EFNA3: variants seen among roughly 807,000 people sequenced by gnomAD.
EFNA3 encodes the protein ephrin-A3.
In EFNA3, 15 loss-of-function variants were observed where a neutral mutation model predicts 25.0. That is an observed-to-expected ratio of 0.60 (90% CI 0.40 to 0.92). The LOEUF (loss-of-function observed/expected upper bound fraction) is 0.92, where lower values mean the gene tolerates loss of function less well. Among genes scored for constraint, EFNA3 ranks in the 40% least tolerant of loss-of-function variants. The probability of loss-of-function intolerance (pLI) is 0.00; values close to 1 mark genes in which losing one functional copy is unlikely to be tolerated. For missense variants in EFNA3, 298 were observed against 323.8 expected (o/e 0.92, Z 0.61); for synonymous variants, 153 against 145.6 (o/e 1.05, Z -0.37).
rs1370597990 is a variant in EFNA3, at chr1:155,080,701, C to T, written c.128+1632C>T. Among the ~76,000 whole-genome samples, 1 of 152,170 alleles carries T rather than the reference C, an allele frequency of 6.6e-6. No homozygotes were observed. On this transcript the variant is annotated intron_variant, in intron 1 of 4. Coordinates refer to ENST00000368408, the MANE Select transcript of EFNA3 (RefSeq NM_004952.5). This position sits in a 1 kb window ranked among gnomAD's most constrained non-coding sequence, Gnocchi z 7.0. ...GGGGAGGTGTTGATCAGGTTCCCCT[C>T]CCCCGCATACACCTGGGCGCAGGTG...
At chr1:155,083,647 A>G (rs1571663306) in intron 1 of EFNA3, among the ~76,000 whole-genome samples, 1 of 152,294 alleles carries the variant, frequency 6.6e-6, no homozygotes, top group East Asian at 1.9e-4. Context: ...GCACAAGCAA[A>G]GCCAAGGAAG....
At chr1:155,084,258 C>T (rs993226252) in intron 1 of EFNA3, among the ~76,000 whole-genome samples, 35 of 152,190 alleles carry the variant, frequency 2.3e-4, no homozygotes, top group African/African-American at 6.0e-4. Flanking sequence ...CCCTTAGCGC[C>T]CTCATGTGTT....
rs987735499 is a variant in EFNA3 at position 155,083,774 on chromosome 1, A to C, written c.129-1317A>C. ...CTGGGTGGTGCCTGGTGACATAGGGAGCCAGTCTCTCCCCCCAGGGAGCTC... is the reference window on the plus strand; with the variant it reads ...CTGGGTGGTGCCTGGTGACATAGGGCGCCAGTCTCTCCCCCCAGGGAGCTC... On this transcript the variant is annotated intron_variant, in intron 1 of 4. Transcript: ENST00000368408. Among the ~76,000 whole-genome samples, 19 of 152,252 alleles carry C rather than the reference A, an allele frequency of 1.2e-4. 1 individual carries two copies. Among genetic ancestry groups the C allele is most frequent in the African/African-American group, 4.3e-4 (18 of 41,524 alleles).
rs1358102762 is a variant in EFNA3 at position 155,087,442 on chromosome 1, G to A, written c.*899G>A. 6.5e-6 allele frequency: 1 copy of A among 152,786 alleles called. No individual in the cohort carries two copies. Among genetic ancestry groups the A allele is most frequent in the East Asian group, 1.9e-4 (1 of 5,332 alleles). The allele number at this position is 152,786 out of a possible 1,614,324, so 9.5% of individuals were successfully genotyped here. On this transcript the variant is annotated 3_prime_UTR_variant, in exon 5 of 5. Transcript: ENST00000368408. ...GGACCTTGCCCTGCTCACCCTATGT[G>A]GTCCCACCTATCCTCCTGGGCCTTT... is the stretch of plus-strand genomic sequence containing the variant.
chr1:155,085,403 CTG>C lies in EFNA3; in HGVS notation c.442+2_442+3del, dbSNP rs925542212. ...ACGCCGGCCACGAGTACTACTACAT[CTG>C]TGAGTGACGGCGGCCGGGCGGGCGG... On this transcript the variant is annotated splice_donor_variant and coding_sequence_variant, in exon 2 of 5. Transcript: ENST00000368408. LOFTEE classifies it high-confidence loss of function. The surrounding 1 kb of genome is among the most constrained non-coding windows in gnomAD (Gnocchi z 4.4). The C allele has an allele frequency of 6.3e-7, 1 of 1,578,562 alleles. No homozygotes were observed.
chr1:155,079,862 G>T lies in EFNA3; in HGVS notation c.128+793G>T, dbSNP rs1663307287. Among the ~76,000 whole-genome samples the T allele has an allele frequency of 1.3e-5, 2 of 152,008 alleles. No homozygotes were observed. The highest frequency in any genetic ancestry group is 2.9e-5 in the Non-Finnish European group (2 of 67,980). ...GGGGTGGGAGCGGGCTGCGGGTCGG[G>T]GAAGGGGCTGCGGTCGCTGTCCGCG... is the stretch of plus-strand genomic sequence containing the variant. On this transcript the variant is annotated intron_variant, in intron 1 of 4. Coordinates refer to ENST00000368408, the MANE Select transcript of EFNA3 (RefSeq NM_004952.5). This position sits in a 1 kb window ranked among gnomAD's most constrained non-coding sequence, Gnocchi z 7.7.
chr1:155,080,369 G>T lies in EFNA3; in HGVS notation c.128+1300G>T, dbSNP rs1663319235. 6.6e-6 allele frequency among the ~76,000 whole-genome samples: 1 copy of T among 152,122 alleles called. No individual in the cohort carries two copies. The highest frequency in any genetic ancestry group is 1.5e-5 in the Non-Finnish European group (1 of 67,996). ...CTCCTCGCGCCCGGAGTGTCAGACT[G>T]GGGGTGGGGATGAGCCAACGACGCC... On this transcript the variant is annotated intron_variant, in intron 1 of 4. Transcript: ENST00000368408. The surrounding 1 kb of genome is among the most constrained non-coding windows in gnomAD (Gnocchi z 7.0).
rs116049590 is a variant in EFNA3 at position 155,084,395 on chromosome 1, C to A, written c.129-696C>A. On this transcript the variant is annotated intron_variant, in intron 1 of 4. Coordinates refer to ENST00000368408, the MANE Select transcript of EFNA3 (RefSeq NM_004952.5). ...GGGGAGACCCCCAGATTGGTGGGGTCAACCAATACTGGCATGCGGGCCAGC... is the reference window on the plus strand; with the variant it reads ...GGGGAGACCCCCAGATTGGTGGGGTAAACCAATACTGGCATGCGGGCCAGC... Among the ~76,000 whole-genome samples the A allele has an allele frequency of 6.0e-3, 910 of 152,310 alleles. 3 individuals are homozygous for A. Among genetic ancestry groups the A allele is most frequent in the African/African-American group, 0.02 (844 of 41,554 alleles).
chr1:155,079,051 G>A lies in EFNA3; in HGVS notation c.110G>A (p.Trp37Ter). 1 of 1,376,712 alleles carries A rather than the reference G, an allele frequency of 7.3e-7. No individual in the cohort carries two copies. The highest frequency in any genetic ancestry group is 1.7e-5 in the South Asian group (1 of 57,458). 85.3% of individuals were successfully genotyped at this position (1,376,712 alleles called of 1,614,324 possible). A position where few individuals can be genotyped will look rare whatever the true frequency, so the allele number is the denominator to read the frequency against. Residue 37 changes from tryptophan (W) to a stop codon, truncating the protein, a stop_gained, in exon 1 of 5, where the codon TGG (tryptophan) becomes TAG (stop). Coordinates refer to ENST00000368408, the MANE Select transcript of EFNA3 (RefSeq NM_004952.5). LOFTEE classifies it high-confidence loss of function. The surrounding 1 kb of genome is among the most constrained non-coding windows in gnomAD (Gnocchi z 7.7). ...GALGNRHAVYWNSSNQHLRRE... is the reference protein window; with the variant it reads ...GALGNRHAVY ...CTGGGAAACCGGCATGCGGTGTACT[G>A]GAACAGCTCCAACCAGCAGTGAGTC...
In EFNA3 at chr1:155,086,781, T is replaced by G. The variant is rs1663474255; in HGVS notation, c.*238T>G. On this transcript the variant is annotated 3_prime_UTR_variant, in exon 5 of 5. Coordinates refer to ENST00000368408, the MANE Select transcript of EFNA3 (RefSeq NM_004952.5). ...GGGCGGCCTTGTGGCTCTGGTAATG[T>G]TTGGTACCAAACTTGGGGGCCAAAA... 1 of 511,364 alleles carries G rather than the reference T, an allele frequency of 2.0e-6. No individual in the cohort carries two copies. The highest frequency in any genetic ancestry group is 2.5e-5 in the South Asian group (1 of 39,504). 31.7% of individuals were successfully genotyped at this position (511,364 alleles called of 1,614,324 possible). A position where few individuals can be genotyped will look rare whatever the true frequency, so the allele number is the denominator to read the frequency against.
In EFNA3 at chr1:155,085,231, T is replaced by A. The variant is rs1453505920; in HGVS notation, c.269T>A (p.Met90Lys). ...GGGGCAGAGCAGTACGTGCTGTACATGGTGAGCCGCAACGGCTACCGCACC... is the reference window on the plus strand; with the variant it reads ...GGGGCAGAGCAGTACGTGCTGTACAAGGTGAGCCGCAACGGCTACCGCACC... ...GGGAEQYVLY[M>K]VSRNGYRTCN... The change falls in exon 2 of 5, where the codon ATG becomes AAG. Residue 90 changes from methionine to lysine, a missense_variant. Transcript: ENST00000368408. The surrounding 1 kb of genome is among the most constrained non-coding windows in gnomAD (Gnocchi z 4.4). The A allele has an allele frequency of 1.2e-6, 2 of 1,612,752 alleles. No homozygotes were observed. Among genetic ancestry groups the A allele is most frequent in the Non-Finnish European group, 1.7e-6 (2 of 1,179,766 alleles).
In EFNA3 at chr1:155,085,758, G is replaced by C; in HGVS notation, c.443-119G>C. 2.5e-6 allele frequency: 3 copies of C among 1,196,170 alleles called. No homozygotes were observed. Among genetic ancestry groups the C allele is most frequent in the Non-Finnish European group, 3.6e-6 (3 of 835,330 alleles). 74.1% of individuals were successfully genotyped at this position (1,196,170 alleles called of 1,614,324 possible). A position where few individuals can be genotyped will look rare whatever the true frequency, so the allele number is the denominator to read the frequency against. ...AGTGACCCGTGTCCAAAGGGTAGGG[G>C]AGCTCCTGAAGGAGACCGCCCGACG... On this transcript the variant is annotated intron_variant, in intron 2 of 4. Coordinates refer to ENST00000368408, the MANE Select transcript of EFNA3 (RefSeq NM_004952.5). The surrounding 1 kb of genome is among the most constrained non-coding windows in gnomAD (Gnocchi z 4.4).
Position 155,080,255 on chromosome 1 carries a change from C to T in EFNA3, c.128+1186C>T, listed in dbSNP as rs967215078. ...AGGGGAGGGGACCGGGAGGGCCGGG[C>T]GGCCGCGACCCCCAACCTCTCGGAG... is the stretch of plus-strand genomic sequence containing the variant. On this transcript the variant is annotated intron_variant, in intron 1 of 4. Transcript: ENST00000368408. The surrounding 1 kb of genome is among the most constrained non-coding windows in gnomAD (Gnocchi z 7.0). 3.3e-5 allele frequency among the ~76,000 whole-genome samples: 5 copies of T among 151,984 alleles called. No individual in the cohort carries two copies. The highest frequency in any genetic ancestry group is 9.7e-5 in the African/African-American group (4 of 41,370).
intron 1 of EFNA3, among the ~76,000 whole-genome samples, chr1:155,082,616 TGTCGGCATTCGC>T (rs1558144814): frequency 6.6e-6 from 1 of 152,070 alleles, no homozygotes; most frequent in African/African-American, 2.4e-5. Context: ...AAATGGGGTG[TGTCGGCATTCGC>T]CTTTCTGCAA....
Position 155,080,693 on chromosome 1 carries a change from G to T in EFNA3, c.128+1624G>T, listed in dbSNP as rs1196401518. ...TTTGGTGGGGGGAGGTGTTGATCAG[G>T]TTCCCCTCCCCCGCATACACCTGGG... On this transcript the variant is annotated intron_variant, in intron 1 of 4. Transcript: ENST00000368408. This position sits in a 1 kb window ranked among gnomAD's most constrained non-coding sequence, Gnocchi z 7.0. Among the ~76,000 whole-genome samples the T allele has an allele frequency of 6.6e-6, 1 of 152,150 alleles. No individual in the cohort carries two copies. Among genetic ancestry groups the T allele is most frequent in the Admixed American group, 6.5e-5 (1 of 15,290 alleles).
At position 155,085,583 on chromosome 1, in the gene EFNA3, G is replaced by A; in HGVS notation, c.442+179G>A. The A allele has an allele frequency of 1.2e-6, 1 of 813,726 alleles. No homozygotes were observed. Among genetic ancestry groups the A allele is most frequent in the African/African-American group, 1.7e-5 (1 of 57,844 alleles). The allele number at this position is 813,726 out of a possible 1,614,324, so 50.4% of individuals were successfully genotyped here. A position where few individuals can be genotyped will look rare whatever the true frequency, so the allele number is the denominator to read the frequency against. On this transcript the variant is annotated intron_variant, in intron 2 of 4. Transcript: ENST00000368408. The surrounding 1 kb of genome is among the most constrained non-coding windows in gnomAD (Gnocchi z 4.4). ...GGGGTTCAGCTCAGACGAGGTCGTG[G>A]GGCCAAGAGAGGAGTTTGGTGACAG... is the stretch of plus-strand genomic sequence containing the variant.
chr1:155,081,835 C>A lies in EFNA3; in HGVS notation c.128+2766C>A, dbSNP rs1663347567. Among the ~76,000 whole-genome samples the A allele has an allele frequency of 6.6e-6, 1 of 152,212 alleles. No homozygotes were observed. The highest frequency in any genetic ancestry group is 2.4e-5 in the African/African-American group (1 of 41,448). ...AGTGAATCCGGCCTCTGCCACCCTC[C>A]CCTTGTCGGTGTGTGTCTCCCCCTC... On this transcript the variant is annotated intron_variant, in intron 1 of 4. Transcript: ENST00000368408. This position sits in a 1 kb window ranked among gnomAD's most constrained non-coding sequence, Gnocchi z 5.2.
rs1468440948 is a variant in EFNA3 at position 155,085,164 on chromosome 1, A to C, written c.202A>C (p.Ser68Arg). The change falls in exon 2 of 5, where the codon AGC (serine) becomes CGC (arginine). Residue 68 changes from serine (S) to arginine (R), a missense_variant. Transcript: ENST00000368408. This position sits in a 1 kb window ranked among gnomAD's most constrained non-coding sequence, Gnocchi z 4.4. ...YLDIYCPHYN[S>R]SGVGPGAGPG... ...GGATATTTACTGCCCGCACTACAACAGCTCGGGGGTGGGCCCCGGGGCGGG... is the reference window on the plus strand; with the variant it reads ...GGATATTTACTGCCCGCACTACAACCGCTCGGGGGTGGGCCCCGGGGCGGG... The C allele has an allele frequency of 6.2e-7, 1 of 1,613,218 alleles. No individual in the cohort carries two copies. The highest frequency in any genetic ancestry group is 1.1e-5 in the South Asian group (1 of 91,068).
At chr1:155,082,536 T>A (rs567961146) in intron 1 of EFNA3, among the ~76,000 whole-genome samples, 15 of 151,990 alleles carry the variant, frequency 9.9e-5, no homozygotes, top group South Asian at 2.1e-4. Flanking sequence ...GAGAGAGGTG[T>A]CGGGATGCGC....
Sources: gnomAD v4.1 joint callset for allele counts (sites outside exome capture counted in the v4.1 genomes callset) on GRCh38, gnomAD v4.1.1 for gene constraint, Gnocchi (gnomAD v3.1) non-coding constraint, MANE v1.5 for transcripts, NCBI Gene and HGNC (gene_info 2026-07-23, HGNC 2026-07-21) for gene names.